The following GFRA2 variants were observed in gnomAD, a reference collection of about 807,000 sequenced individuals.
The protein encoded by GFRA2 is GDNF family receptor alpha 2.
GFRA2 carries 17 observed loss-of-function variants against 48.3 expected under a neutral mutation model. That is an observed-to-expected ratio of 0.35 (90% CI 0.24 to 0.53). The LOEUF is 0.53. Ranked by LOEUF, GFRA2 falls within the 20% of genes least tolerant of loss-of-function variation. The pLI is 0.93. For missense variants in GFRA2, 660 were observed against 637.3 expected, an observed-to-expected ratio of 1.04 and a Z score of -0.38; for synonymous variants, 305 against 257.2, an observed-to-expected ratio of 1.19 and a Z score of -1.78.
chr8:21,750,661 A>G lies in GFRA2; in HGVS notation c.721T>C (p.Cys241Arg). 3 of 1,613,868 alleles carry G rather than the reference A, an allele frequency of 1.9e-6. No individual in the cohort carries two copies. The highest frequency in any genetic ancestry group is 8.5e-7 in the Non-Finnish European group (1 of 1,179,810). The change falls in exon 4 of 9, where the codon TGC becomes CGC. Residue 241 changes from cysteine (C) to arginine (R), a missense_variant. Transcript: ENST00000524240. The surrounding 1 kb of genome is among the most constrained non-coding windows in gnomAD (Gnocchi z 5.7). ...ERRRQTILPS[C>R]SYEDKEKPNC... is the part of the protein sequence containing the mutation. ...GGCTTCTCCTTGTCCTCATAGGAGCAGCTGGGCAGGATGGTTTGCCGGCGG... is the reference window on the plus strand; with the variant it reads ...GGCTTCTCCTTGTCCTCATAGGAGCGGCTGGGCAGGATGGTTTGCCGGCGG...
At chr8:21,793,274 T>A (rs1486164051), upstream of GFRA2, among the ~76,000 whole-genome samples, 1 of 152,080 alleles carries the variant, frequency 6.6e-6, no homozygotes, top group Non-Finnish European at 1.5e-5. Flanking sequence ...TTAGGAAGAT[T>A]GATCTGATGA....
intron 3 of GFRA2, among the ~76,000 whole-genome samples, chr8:21,759,460 G>T (rs1199212770): frequency 9.4e-6 from 1 of 106,584 alleles, no homozygotes; most frequent in Non-Finnish European, 1.9e-5. Flanking sequence ...GAGAGAGGGA[G>T]GGAGGGAGGG....
chr8:21,775,038 C>G lies in GFRA2; in HGVS notation c.373G>C (p.Ala125Pro). ...GLTEGEEFYE[A>P]SPYEPVTSRL... Reference sequence around the variant, plus strand: ...GAGGTCACCGGCTCATAGGGGGAGGCTTCGTAGAACTCCTCACCTGGAAGA... The same window carrying G: ...GAGGTCACCGGCTCATAGGGGGAGGGTTCGTAGAACTCCTCACCTGGAAGA... Residue 125 changes from alanine (A) to proline (P), a missense_variant, in exon 3 of 9, where the codon GCC becomes CCC. By Grantham distance (27) the Ala-to-Pro change is conservative. Transcript: ENST00000524240. 6.3e-7 allele frequency: 1 copy of G among 1,585,636 alleles called. No homozygotes were observed. The highest frequency in any genetic ancestry group is 8.7e-7 in the Non-Finnish European group (1 of 1,154,598).
chr8:21,760,753 G>C (rs1337517112), intron 3 of GFRA2, among the ~76,000 whole-genome samples: 2 of 152,174 alleles, frequency 1.3e-5, no homozygotes, highest in Non-Finnish European at 2.9e-5. Flanking sequence ...AGGCGCCACA[G>C]GTTGGGGATG....
chr8:21,750,776 C>T lies in GFRA2; in HGVS notation c.606G>A (p.Lys202=). Residue 202 remains lysine (K), a synonymous_variant, in exon 4 of 9, where the codon AAG becomes AAA. Transcript: ENST00000524240. This position sits in a 1 kb window ranked among gnomAD's most constrained non-coding sequence, Gnocchi z 5.7. ...CCCGGTCGAAGAACTGGCGCAGGGC[C>T]TTGTGGCACTTGCGGCGGTTGCAGC... ...TERCNRRKCH[K]ALRQFFDRVP... is the part of the protein sequence containing the mutation. 6.2e-7 allele frequency: 1 copy of T among 1,613,964 alleles called. No individual in the cohort carries two copies. The highest frequency in any genetic ancestry group is 1.7e-5 in the Admixed American group (1 of 60,026).
chr8:21,747,889 C>T lies in GFRA2; in HGVS notation c.794+2699G>A, dbSNP rs369150640. Among the ~76,000 whole-genome samples the T allele has an allele frequency of 3.6e-4, 55 of 152,116 alleles. 1 individual carries two copies. The highest frequency in any genetic ancestry group is 6.8e-3 in the Middle Eastern group (2 of 294). On this transcript the variant is annotated intron_variant, in intron 4 of 8. Coordinates refer to ENST00000524240, the MANE Select transcript of GFRA2 (RefSeq NM_001495.5). The stretch of plus-strand genomic sequence containing the variant: ...ACACACATATACACACTCTGTGAGA[C>T]ACCACAGCTCAGTCACCTCCTCCCT...
intron 2 of GFRA2, among the ~76,000 whole-genome samples, chr8:21,796,577 A>C (rs1248196460): frequency 6.6e-6 from 1 of 152,256 alleles, no homozygotes; most frequent in East Asian, 1.9e-4. Flanking sequence ...CTGAGGACAC[A>C]TGCCTTCCCT....
chr8:21,706,242 G>A (rs149896137), intron 4 of GFRA2: 42 of 641,392 alleles, frequency 6.5e-5, no homozygotes, highest in South Asian at 3.9e-4. Context: ...GAGACTTCCC[G>A]GAGAGACAGG....
intron 3 of GFRA2, among the ~76,000 whole-genome samples, chr8:21,773,511 A>G (rs1299240204): frequency 1.3e-5 from 2 of 152,236 alleles, no homozygotes; most frequent in African/African-American, 4.8e-5. Flanking sequence ...CACGGGAAGG[A>G]CGGGCGTCAC....
chr8:21,701,497 G>C (rs1802478695), intron 7 of GFRA2, among the ~76,000 whole-genome samples: 2 of 152,206 alleles, frequency 1.3e-5, no homozygotes, highest in Non-Finnish European at 2.9e-5. Context: ...GTAGAGGTTG[G>C]ACCCCTTTGG....
rs998653286 is a variant in GFRA2 at position 21,786,972 on chromosome 8, C to T, written c.40+1148G>A. ...AGAACTACACCCTCACTGAAGCAGA[C>T]GTGTGCTCCTTACAAACACACTCAC... On this transcript the variant is annotated intron_variant, in intron 1 of 8. Transcript: ENST00000524240. 3.4e-3 allele frequency among the ~76,000 whole-genome samples: 518 copies of T among 152,150 alleles called. 16 individuals are homozygous for T. Among genetic ancestry groups the T allele is most frequent in the Admixed American group, 0.032 (487 of 15,298 alleles).
chr8:21,794,048 C>T, intron 2 of GFRA2, among the ~76,000 whole-genome samples: 1 of 151,652 alleles, frequency 6.6e-6, no homozygotes, highest in Non-Finnish European at 1.5e-5. Flanking sequence ...GAGATGAGGT[C>T]TCCATATGTT....
Position 21,714,246 on chromosome 8 carries a change from C to CTTTTTTTTTTTT in GFRA2, c.795-8217_795-8206dup, listed in dbSNP as rs10674628. On this transcript the variant is annotated intron_variant, in intron 4 of 8. Coordinates refer to ENST00000524240, the MANE Select transcript of GFRA2 (RefSeq NM_001495.5). ...GATCAATACATACTGGTCTGAAGTT[C>CTTTTTTTTTTTT]TTTTTTTTTTTTTTTTTTTTTTTGA... Among the ~76,000 whole-genome samples, 59 of 78,398 alleles carry CTTTTTTTTTTTT rather than the reference C, an allele frequency of 7.5e-4. 10 individuals carry two copies. The highest frequency in any genetic ancestry group is 1.6e-3 in the Admixed American group (8 of 5,096). The allele number at this position is 78,398 out of a possible 152,430, so 51.4% of individuals were successfully genotyped here.
chr8:21,767,850 C>T (rs1806253488), intron 3 of GFRA2, among the ~76,000 whole-genome samples: 2 of 152,216 alleles, frequency 1.3e-5, no homozygotes, highest in Admixed American at 1.3e-4. Flanking sequence ...GCAATTTCTT[C>T]CTTGGACACA....
chr8:21,697,400 G>A (rs535684926), intron 7 of GFRA2, among the ~76,000 whole-genome samples: 3 of 152,024 alleles, frequency 2.0e-5, no homozygotes, highest in South Asian at 2.1e-4. Context: ...ATTATCAGGG[G>A]ACAGTGAAAC....
intron 3 of GFRA2, among the ~76,000 whole-genome samples, chr8:21,765,637 A>G (rs1364889230): frequency 6.6e-6 from 1 of 151,882 alleles, no homozygotes; most frequent in African/African-American, 2.4e-5. Flanking sequence ...CCATGTATCA[A>G]CCCTGACCTC....
At chr8:21,798,174 T>A (rs1563271395) in intron 2 of GFRA2, among the ~76,000 whole-genome samples, 1 of 152,206 alleles carries the variant, frequency 6.6e-6, no homozygotes, top group Non-Finnish European at 1.5e-5. Flanking sequence ...GCCTTTCATA[T>A]TCTTCCTACC....
intron 4 of GFRA2, among the ~76,000 whole-genome samples, chr8:21,719,172 C>G (rs962613283): frequency 6.6e-6 from 1 of 152,124 alleles, no homozygotes; most frequent in African/African-American, 2.4e-5. Flanking sequence ...CAGCCACCAA[C>G]AAGAGACCAA....
At position 21,788,344 on chromosome 8, in the gene GFRA2, G is replaced by A; in HGVS notation, c.-185C>T. 1 of 1,357,500 alleles carries A rather than the reference G, an allele frequency of 7.4e-7. No homozygotes were observed. The highest frequency in any genetic ancestry group is 9.4e-7 in the Non-Finnish European group (1 of 1,059,480). The allele number at this position is 1,357,500 out of a possible 1,614,324, so 84.1% of individuals were successfully genotyped here. On this transcript the variant is annotated 5_prime_UTR_variant, in exon 1 of 9. Transcript: ENST00000524240. ...TTCTCGCCTCTGGCTGGAGGGGGTGGGGTGAGAGGCGGGCGATGGGCTGCT... is the reference window on the plus strand; with the variant it reads ...TTCTCGCCTCTGGCTGGAGGGGGTGAGGTGAGAGGCGGGCGATGGGCTGCT...
Sources: gnomAD v4.1 joint callset for allele counts (sites outside exome capture counted in the v4.1 genomes callset) on GRCh38, gnomAD v4.1.1 for gene constraint, Gnocchi (gnomAD v3.1) non-coding constraint, MANE v1.5 for transcripts, NCBI Gene and HGNC (gene_info 2026-07-23, HGNC 2026-07-21) for gene names.